ZNF616: variants seen among roughly 807,000 people sequenced by gnomAD.
The protein encoded by ZNF616 is zinc finger protein 616.
In ZNF616, 5 loss-of-function variants were observed where a neutral mutation model predicts 7.6. That is an observed-to-expected ratio of 0.66 (90% CI 0.34 to 1.38). The LOEUF is 1.38. Among genes scored for constraint, ZNF616 ranks in the 40% most tolerant of loss-of-function variants. The pLI, the probability that ZNF616 is intolerant of heterozygous loss-of-function variation, is 0.04. For synonymous variants in ZNF616, 319 were observed against 317.2 expected, an observed-to-expected ratio of 1.01 and a Z score of -0.06; for missense variants, 913 against 948.3, an observed-to-expected ratio of 0.96 and a Z score of 0.49.
Position 52,130,599 on chromosome 19 carries a change from A to T in ZNF616, c.-76-11T>A. 1 of 1,546,724 alleles carries T rather than the reference A, an allele frequency of 6.5e-7. No individual in the cohort carries two copies. ...ATTCACACATCAAACCTGAAAGTTA[A>T]AAAATCTGTTGTTTAATGCTTGGAA... On this transcript the variant is annotated splice_polypyrimidine_tract_variant and intron_variant, in intron 1 of 3. Coordinates refer to ENST00000600228, the MANE Select transcript of ZNF616 (RefSeq NM_178523.5).
chr19:52,136,146 G>GT (rs975929722), intron 1 of ZNF616, among the ~76,000 whole-genome samples: 1 of 139,758 alleles, frequency 7.2e-6, no homozygotes, highest in African/African-American at 2.8e-5. Flanking sequence ...AAAAAAAGCG[G>GT]GGGGGGGACA....
At chr19:52,121,186 C>T (rs1333543845) in intron 3 of ZNF616, among the ~76,000 whole-genome samples, 1 of 152,210 alleles carries the variant, frequency 6.6e-6, no homozygotes, top group Non-Finnish European at 1.5e-5. Flanking sequence ...TCCCGAGTAG[C>T]TGGGACTACA....
At chr19:52,135,426 T>G (rs1005601243) in intron 1 of ZNF616, among the ~76,000 whole-genome samples, 3 of 152,168 alleles carry the variant, frequency 2.0e-5, no homozygotes, top group Non-Finnish European at 4.4e-5. Flanking sequence ...CCAAGGAAAC[T>G]CTCCATATTG....
chr19:52,117,275 T>A (rs867400154), intron 3 of ZNF616, among the ~76,000 whole-genome samples: 1 of 152,232 alleles, frequency 6.6e-6, no homozygotes, highest in Non-Finnish European at 1.5e-5. Context: ...AAAAGACTTA[T>A]GTTGTGCAAA....
chr19:52,126,950 A>T (rs115233923), intron 2 of ZNF616, among the ~76,000 whole-genome samples: 3,540 of 152,268 alleles, frequency 0.023, 129 homozygotes, highest in African/African-American at 0.081. Context: ...CATAATAAAG[A>T]TATTATCAAA....
rs1231705285 is a variant in ZNF616, at chr19:52,139,113, T to A, written c.-77+619A>T. Among the ~76,000 whole-genome samples, 2 of 152,160 alleles carry A rather than the reference T, an allele frequency of 1.3e-5. No individual in the cohort carries two copies. The highest frequency in any genetic ancestry group is 3.9e-4 in the East Asian group (2 of 5,186). Reference sequence around the variant, plus strand: ...CCATTTTGCCGTGTACTCATTCTTTTCTCCCCAGTTTTTCTTTCTGTCCCG... The same window carrying A: ...CCATTTTGCCGTGTACTCATTCTTTACTCCCCAGTTTTTCTTTCTGTCCCG... On this transcript the variant is annotated intron_variant, in intron 1 of 3. Transcript: ENST00000600228. This position sits in a 1 kb window ranked among gnomAD's most constrained non-coding sequence, Gnocchi z 4.1.
chr19:52,119,300 C>T (rs367934929), intron 3 of ZNF616, among the ~76,000 whole-genome samples: 16 of 149,810 alleles, frequency 1.1e-4, no homozygotes, highest in Admixed American at 4.0e-4. Flanking sequence ...TGCTTGAACC[C>T]GGGAGGTGGA....
rs2088882506 is a variant in ZNF616, at chr19:52,123,827, G to T, written c.139+96C>A. 1.4e-5 allele frequency: 21 copies of T among 1,493,136 alleles called. 1 individual carries two copies. In the South Asian group the frequency reaches 2.4e-4, roughly 17 times the overall value. 92.5% of individuals were successfully genotyped at this position (1,493,136 alleles called of 1,614,324 possible). On this transcript the variant is annotated intron_variant, in intron 3 of 3. Coordinates refer to ENST00000600228, the MANE Select transcript of ZNF616 (RefSeq NM_178523.5). ...TTATTTTTGAACCAATAAGGCTTCA[G>T]TCTCAAATAACGGAGGGGTTCCCAA...
chr19:52,126,053 C>T (rs1366884061), intron 2 of ZNF616, among the ~76,000 whole-genome samples: 1 of 152,082 alleles, frequency 6.6e-6, no homozygotes, highest in Non-Finnish European at 1.5e-5. Context: ...AATGTCCTCC[C>T]TGAACAAAGC....
Position 52,114,863 on chromosome 19 carries a change from A to T in ZNF616, c.2301T>A (p.His767Gln), listed in dbSNP as rs1318223446. 3.1e-6 allele frequency: 5 copies of T among 1,608,358 alleles called. No homozygotes were observed. Among genetic ancestry groups the T allele is most frequent in the Admixed American group, 3.4e-5 (2 of 59,308 alleles). ...RSGLTKHRIR[H>Q]TGESLTTKLN... The stretch of plus-strand genomic sequence containing the variant: ...GTTTAGTTGTAAGGCTCTCTCCAGT[A>T]TGTCTTATTCGATGTTTAGTGAGGC... Residue 767 changes from histidine (H) to glutamine (Q), a missense_variant, in exon 4 of 4, where the codon CAT becomes CAA. His to Gln is a conservative substitution (Grantham distance 24). Coordinates refer to ENST00000600228, the MANE Select transcript of ZNF616 (RefSeq NM_178523.5).
chr19:52,119,812 C>T (rs1229128017), intron 3 of ZNF616, among the ~76,000 whole-genome samples: 1 of 152,140 alleles, frequency 6.6e-6, no homozygotes, highest in Admixed American at 6.5e-5. Context: ...AGACTTATGT[C>T]TTTATAATAT....
At chr19:52,137,372 G>A (rs1360700152) in intron 1 of ZNF616, among the ~76,000 whole-genome samples, 3 of 151,438 alleles carry the variant, frequency 2.0e-5, no homozygotes, top group Non-Finnish European at 2.9e-5. Flanking sequence ...GCAGTGAGCC[G>A]AGATCACACC....
Position 52,123,775 on chromosome 19 carries a change from AG to A in ZNF616, c.139+147del, listed in dbSNP as rs2088882192. ...ATATATATACAAAGGTGACAGTGAA[AG>A]GCCAGATGCAGCATTGTGAAGCTTT... On this transcript the variant is annotated intron_variant, in intron 3 of 3. Transcript: ENST00000600228. 47 of 891,398 alleles carry A rather than the reference AG, an allele frequency of 5.3e-5. No homozygotes were observed. In the South Asian group the frequency reaches 7.7e-4, roughly 15 times the overall value. 55.2% of individuals were successfully genotyped at this position (891,398 alleles called of 1,614,324 possible). A position where few individuals can be genotyped will look rare whatever the true frequency, so the allele number is the denominator to read the frequency against.
chr19:52,132,405 A>T (rs61335995), intron 1 of ZNF616, among the ~76,000 whole-genome samples: 1 of 152,032 alleles, frequency 6.6e-6, no homozygotes, highest in African/African-American at 2.4e-5. Flanking sequence ...CGTGTAGGTG[A>T]GTAGGTGGGT....
chr19:52,127,879 C>T (rs977745993), intron 2 of ZNF616, among the ~76,000 whole-genome samples: 3 of 152,178 alleles, frequency 2.0e-5, no homozygotes, highest in African/African-American at 7.2e-5. Context: ...AATTTCACAA[C>T]AGAACATGTA....
At chr19:52,126,711 G>A (rs1410341305) in intron 2 of ZNF616, among the ~76,000 whole-genome samples, 2 of 152,182 alleles carry the variant, frequency 1.3e-5, no homozygotes, top group African/African-American at 4.8e-5. Flanking sequence ...AGAGGTTGCA[G>A]TGAGTCGAGA....
Position 52,115,984 on chromosome 19 carries a change from A to G in ZNF616, c.1180T>C (p.Ser394Pro). The change falls in exon 4 of 4, where the codon TCA (serine) becomes CCA (proline). Residue 394 changes from serine (S) to proline (P), a missense_variant. Ser to Pro is a moderately conservative substitution (Grantham distance 74, BLOSUM62 -1). Coordinates refer to ENST00000600228, the MANE Select transcript of ZNF616 (RefSeq NM_178523.5). ...ATTCGTCGATGCACTGCAAGACTTG[A>G]ACGTTTACTGAAGACCTTGCCACAT... is the stretch of plus-strand genomic sequence containing the variant. ...NECGKVFSKR[S>P]SLAVHRRIHT... 1.2e-6 allele frequency: 2 copies of G among 1,614,184 alleles called. No homozygotes were observed. The highest frequency in any genetic ancestry group is 1.6e-4 in the Middle Eastern group (1 of 6,062).
rs2122142407 is a variant in ZNF616, at chr19:52,116,784, C to A, written c.380G>T (p.Ser127Ile). Reference sequence around the variant, plus strand: ...ATGATTGTTTTCTACATCCCCTTGACTATGTTGATCTCTTTTACCAGTAAG... The same window carrying A: ...ATGATTGTTTTCTACATCCCCTTGAATATGTTGATCTCTTTTACCAGTAAG... ...NNLTGKRDQHSQGDVENNHIE... is the reference protein window; with the variant it reads ...NNLTGKRDQHIQGDVENNHIE... The change falls in exon 4 of 4, where the codon AGT (serine) becomes ATT (isoleucine). Residue 127 changes from serine to isoleucine, a missense_variant. By Grantham distance (142) the Ser-to-Ile change is moderately radical (BLOSUM62 -2). Transcript: ENST00000600228. 2 of 1,614,100 alleles carry A rather than the reference C, an allele frequency of 1.2e-6. No homozygotes were observed. The highest frequency in any genetic ancestry group is 2.2e-5 in the South Asian group (2 of 91,064).
At chr19:52,131,219 G>A (rs997133495) in intron 1 of ZNF616, among the ~76,000 whole-genome samples, 3 of 122,446 alleles carry the variant, frequency 2.5e-5, no homozygotes, top group African/African-American at 9.6e-5. Context: ...AGTGAGCCAA[G>A]ATCAAGCCAC....
Sources: gnomAD v4.1 joint callset for allele counts (sites outside exome capture counted in the v4.1 genomes callset) on GRCh38, gnomAD v4.1.1 for gene constraint, Gnocchi (gnomAD v3.1) non-coding constraint, MANE v1.5 for transcripts, NCBI Gene and HGNC (gene_info 2026-07-23, HGNC 2026-07-21) for gene names.